PDE3B: variants seen among roughly 807,000 people sequenced by gnomAD.
The protein encoded by PDE3B is cGMP-inhibited 3',5'-cyclic phosphodiesterase 3B.
A neutral mutation model predicts 116.8 loss-of-function variants in PDE3B; 66 were observed. The ratio of observed to expected loss-of-function variants is 0.56; its 90% CI spans 0.46 to 0.69. The LOEUF is 0.69. Ranked by LOEUF, PDE3B falls within the 30% of genes least tolerant of loss-of-function variation. The probability of loss-of-function intolerance (pLI) is 0.00; values close to 1 mark genes in which losing one functional copy is unlikely to be tolerated. For missense variants in PDE3B, 1,384 were observed against 1,368.1 expected (o/e 1.01, Z -0.18); for synonymous variants, 595 against 533.6 (o/e 1.12, Z -1.59).
At chr11:14,794,502 C>T (rs1200728768) in intron 4 of PDE3B, among the ~76,000 whole-genome samples, 2 of 151,810 alleles carry the variant, frequency 1.3e-5, no homozygotes, top group Non-Finnish European at 1.5e-5. Flanking sequence ...TTAGTAGAGA[C>T]GGGGTTTCAC....
intron 1 of PDE3B, among the ~76,000 whole-genome samples, chr11:14,654,263 C>T (rs1266003534): frequency 6.6e-6 from 1 of 152,044 alleles, no homozygotes; most frequent in African/African-American, 2.4e-5. Flanking sequence ...TGCAAAATTA[C>T]AGAACCTTAA....
chr11:14,793,303 G>A (rs1481538277), intron 4 of PDE3B, among the ~76,000 whole-genome samples: 1 of 152,106 alleles, frequency 6.6e-6, no homozygotes, highest in African/African-American at 2.4e-5. Context: ...TATGCATAAT[G>A]TTGTATCTTG....
intron 1 of PDE3B, among the ~76,000 whole-genome samples, chr11:14,715,270 A>G (rs1211697424): frequency 6.6e-6 from 1 of 152,152 alleles, no homozygotes; most frequent in Non-Finnish European, 1.5e-5. Flanking sequence ...TATGAACTTT[A>G]AAGTAGTTTT....
Position 14,870,542 on chromosome 11 carries a change from A to G in PDE3B, c.*882A>G, listed in dbSNP as rs1848126218. The G allele has an allele frequency of 6.6e-6, 1 of 152,620 alleles. No homozygotes were observed. 9.5% of individuals were successfully genotyped at this position (152,620 alleles called of 1,614,324 possible). On this transcript the variant is annotated 3_prime_UTR_variant, in exon 16 of 16. Transcript: ENST00000282096. This position sits in a 1 kb window ranked among gnomAD's most constrained non-coding sequence, Gnocchi z 4.1. ...GTTAGAAGAAAAAAAATTTGCTGTA[A>G]TACCAAAACTAACCTCATCAAAGAT...
chr11:14,853,308 T>C lies in PDE3B; in HGVS notation c.2521-5735T>C, dbSNP rs146409095. Among the ~76,000 whole-genome samples, 195 of 152,330 alleles carry C rather than the reference T, an allele frequency of 1.3e-3. 1 individual carries two copies. Among genetic ancestry groups the C allele is most frequent in the African/African-American group, 4.5e-3 (188 of 41,570 alleles). Reference sequence around the variant, plus strand: ...TGTATCTTCTCAATGGAATATAAAGTTCCACAAGGGCAGGGATTTTTGTCT... The same window carrying C: ...TGTATCTTCTCAATGGAATATAAAGCTCCACAAGGGCAGGGATTTTTGTCT... On this transcript the variant is annotated intron_variant, in intron 12 of 15. Transcript: ENST00000282096.
intron 11 of PDE3B, among the ~76,000 whole-genome samples, chr11:14,836,714 T>A (rs1427660164): frequency 2.0e-5 from 3 of 152,214 alleles, no homozygotes; most frequent in Admixed American, 6.5e-5. Flanking sequence ...AATCAAGGCA[T>A]CAACAGAACT....
In PDE3B at chr11:14,870,018, T is replaced by C. The variant is rs1555008798; in HGVS notation, c.*358T>C. On this transcript the variant is annotated 3_prime_UTR_variant, in exon 16 of 16. Transcript: ENST00000282096. This position sits in a 1 kb window ranked among gnomAD's most constrained non-coding sequence, Gnocchi z 4.1. ...TATAACTAAAAACTCAAGTGACATA[T>C]TTCAGTTACCAAAGTGGCCAGGAAC... 6.1e-6 allele frequency: 1 copy of C among 163,928 alleles called. No individual in the cohort carries two copies. Among genetic ancestry groups the C allele is most frequent in the Admixed American group, 6.4e-5 (1 of 15,692 alleles). 10.2% of individuals were successfully genotyped at this position (163,928 alleles called of 1,614,324 possible). A position where few individuals can be genotyped will look rare whatever the true frequency, so the allele number is the denominator to read the frequency against.
chr11:14,783,580 A>AG (rs1858097697), intron 2 of PDE3B, among the ~76,000 whole-genome samples: 1 of 151,446 alleles, frequency 6.6e-6, no homozygotes, highest in African/African-American at 2.4e-5. Context: ...GGACACAGGA[A>AG]GGGGAACATC....
intron 1 of PDE3B, among the ~76,000 whole-genome samples, chr11:14,712,823 AT>A (rs1855749970): frequency 6.6e-6 from 1 of 152,096 alleles, no homozygotes. Flanking sequence ...GATTTAACCA[AT>A]TTTCTTTGCA....
At chr11:14,826,706 A>G (rs1476716689) in intron 7 of PDE3B, among the ~76,000 whole-genome samples, 3 of 152,184 alleles carry the variant, frequency 2.0e-5, no homozygotes, top group African/African-American at 7.2e-5. Context: ...CAGATGTACA[A>G]AGAAGAGCTG....
At chr11:14,835,684 C>T (rs1565158044) in intron 11 of PDE3B, among the ~76,000 whole-genome samples, 1 of 152,080 alleles carries the variant, frequency 6.6e-6, no homozygotes, top group Non-Finnish European at 1.5e-5. Context: ...AAGGGCCAGG[C>T]CTGGTGACTC....
At chr11:14,860,603 T>C (rs187510537) in intron 13 of PDE3B, among the ~76,000 whole-genome samples, 151 of 152,322 alleles carry the variant, frequency 9.9e-4, no homozygotes, top group Admixed American at 3.5e-3. Context: ...GCTAGATTGG[T>C]ACTACTTTTC....
intron 12 of PDE3B, among the ~76,000 whole-genome samples, chr11:14,845,413 ACT>A (rs1330922349): frequency 1.0e-3 from 155 of 152,250 alleles, no homozygotes; most frequent in African/African-American, 3.5e-3. Context: ...AAAACTGGAA[ACT>A]CTAAAAAGCA....
intron 1 of PDE3B, among the ~76,000 whole-genome samples, chr11:14,670,033 G>A (rs1354681621): frequency 2.0e-5 from 3 of 152,108 alleles, no homozygotes; most frequent in Admixed American, 2.0e-4. Context: ...TTCATCATTA[G>A]GTGGGAGATA....
intron 1 of PDE3B, among the ~76,000 whole-genome samples, chr11:14,649,531 A>G (rs1853505726): frequency 6.6e-6 from 1 of 152,204 alleles, no homozygotes; most frequent in African/African-American, 2.4e-5. Context: ...TATACTTCCC[A>G]TCATAGCCTT....
At chr11:14,816,505 G>A (rs994798455) in intron 5 of PDE3B, among the ~76,000 whole-genome samples, 1 of 152,130 alleles carries the variant, frequency 6.6e-6, no homozygotes, top group Non-Finnish European at 1.5e-5. Flanking sequence ...CTCAGCAAAG[G>A]TTTCTGGAAT....
intron 1 of PDE3B, among the ~76,000 whole-genome samples, chr11:14,757,347 T>C (rs1857219621): frequency 6.7e-6 from 1 of 149,364 alleles, no homozygotes; most frequent in Non-Finnish European, 1.5e-5. Context: ...CAAATGGTAT[T>C]TCTAGTTCTA....
rs766674055 is a variant in PDE3B, at chr11:14,824,647, G to A, written c.1807+5438G>A. ...CTAGAAATATGGGATTGTGTAAAGAGGCCAAATCTACACATCATTGACATC... is the reference window on the plus strand; with the variant it reads ...CTAGAAATATGGGATTGTGTAAAGAAGCCAAATCTACACATCATTGACATC... On this transcript the variant is annotated intron_variant, in intron 7 of 15. Coordinates refer to ENST00000282096, the MANE Select transcript of PDE3B (RefSeq NM_000922.4). Among the ~76,000 whole-genome samples, 76 of 150,942 alleles carry A rather than the reference G, an allele frequency of 5.0e-4. No homozygotes were observed. The Middle Eastern group carries it at 0.01, about 21-fold the overall frequency.
intron 1 of PDE3B, among the ~76,000 whole-genome samples, chr11:14,703,805 A>G (rs1565099039): frequency 6.6e-6 from 1 of 151,088 alleles, no homozygotes; most frequent in African/African-American, 2.4e-5. Context: ...ATTCCTTCTT[A>G]CTAGTTTAAT....
Sources: allele counts gnomAD v4.1 joint callset (sites outside exome capture counted in the v4.1 genomes callset), GRCh38; gene constraint gnomAD v4.1.1; non-coding constraint Gnocchi (gnomAD v3.1); transcripts MANE v1.5; gene names NCBI Gene and HGNC (gene_info 2026-07-23, HGNC 2026-07-21).